Variants in ANXA9 observed in about 807,000 individuals in gnomAD.
ANXA9 encodes the protein annexin A9, also known as annexin 31.
Under a neutral mutation model 51.8 loss-of-function variants are expected in ANXA9, and 47 were observed. The observed-to-expected ratio is 0.91, with a 90% CI of 0.72 to 1.16. The LOEUF is 1.16. Among genes scored for constraint, ANXA9 ranks in the 50% most tolerant of loss-of-function variants. The probability of loss-of-function intolerance (pLI) is 0.00; values close to 1 mark genes in which losing one functional copy is unlikely to be tolerated. For synonymous variants in ANXA9, 154 were observed against 168.7 expected (o/e 0.91, Z 0.68); for missense variants, 361 against 424.7 (o/e 0.85, Z 1.32).
upstream of ANXA9, chr1:150,982,024 C>T (rs960473750): frequency 2.6e-5 from 4 of 152,290 alleles, no homozygotes; most frequent in Non-Finnish European, 5.9e-5. Context: ...TGTGGTCCCA[C>T]CTGGACCCAC....
At chr1:150,984,916 C>G (rs1048056433) in intron 7 of ANXA9, among the ~76,000 whole-genome samples, 1 of 151,890 alleles carries the variant, frequency 6.6e-6, no homozygotes, top group Non-Finnish European at 1.5e-5. Context: ...CACCCCAACA[C>G]TTTGGGAGGC....
chr1:150,993,391 G>A (rs868127656), intron 12 of ANXA9, among the ~76,000 whole-genome samples: 16 of 150,042 alleles, frequency 1.1e-4, no homozygotes, highest in East Asian at 2.0e-4. Context: ...TTACTGCAAC[G>A]TCCGCCTCCC....
upstream of ANXA9, among the ~76,000 whole-genome samples, chr1:150,981,793 T>C (rs899645681): frequency 6.6e-6 from 1 of 152,234 alleles, no homozygotes; most frequent in Non-Finnish European, 1.5e-5. Context: ...CAGCTGGCTC[T>C]AGTAAGGCAG....
chr1:150,983,905 T>C, intron 4 of ANXA9, 70 bp from the exon 5 acceptor site: 1 of 1,486,910 alleles, frequency 6.7e-7, no homozygotes, highest in South Asian at 1.2e-5. Context: ...GCGCCTTCCC[T>C]CCTCCAAGGA....
chr1:150,986,342 A>G lies in ANXA9; in HGVS notation c.479A>G (p.Gln160Arg), dbSNP rs756481745. Residue 160 changes from glutamine (Q) to arginine (R), a missense_variant, in exon 8 of 14, where the codon CAG (glutamine) becomes CGG (arginine). Gln to Arg is a conservative substitution (Grantham distance 43). Coordinates refer to ENST00000368947, the MANE Select transcript of ANXA9 (RefSeq NM_003568.3). ...ECLAVYKHNF[Q>R]VEAVDDITSE... is the part of the protein sequence containing the mutation. Reference sequence around the variant, plus strand: ...GCTCCTCACCCCACCCCAGATTTCCAGGTGGAGGCTGTGGATGACATCACA... The same window carrying G: ...GCTCCTCACCCCACCCCAGATTTCCGGGTGGAGGCTGTGGATGACATCACA... 3.1e-5 allele frequency: 50 copies of G among 1,614,028 alleles called. No individual in the cohort carries two copies. The South Asian group carries it at 5.3e-4, about 17-fold the overall frequency.
rs1277141673 is a variant in ANXA9 at position 150,986,320 on chromosome 1, C to T, written c.473-16C>T. On this transcript the variant is annotated splice_polypyrimidine_tract_variant and intron_variant, in intron 7 of 13. Transcript: ENST00000368947. ...AAAACTCAGGAGGATTCAGAGAGCT[C>T]CTCACCCCACCCCAGATTTCCAGGT... is the stretch of plus-strand genomic sequence containing the variant. 7 of 1,613,342 alleles carry T rather than the reference C, an allele frequency of 4.3e-6. No homozygotes were observed. In the South Asian group the frequency reaches 7.7e-5, roughly 18 times the overall value.
In ANXA9 at chr1:150,982,564, G is replaced by A. The variant is rs1228833265; in HGVS notation, c.-36G>A. 6.5e-6 allele frequency: 1 copy of A among 153,528 alleles called. No individual in the cohort carries two copies. Among genetic ancestry groups the A allele is most frequent in the Non-Finnish European group, 1.5e-5 (1 of 68,926 alleles). The allele number at this position is 153,528 out of a possible 1,614,324, so 9.5% of individuals were successfully genotyped here. ...TGCTGACCTAGAGATTCCGGCCTGT[G>A]CTCCTGTGCTGCTGAGCAGGTAGGC... On this transcript the variant is annotated 5_prime_UTR_variant, in exon 2 of 14. Transcript: ENST00000368947.
At chr1:150,994,508 A>G in intron 12 of ANXA9, 69 bp from the exon 13 acceptor site, 2 of 1,594,404 alleles carry the variant, frequency 1.3e-6, no homozygotes, top group Non-Finnish European at 1.7e-6. Flanking sequence ...ATAACCCTCC[A>G]AGCCATTCAA....
At chr1:150,992,580 C>A (rs975991647) in intron 12 of ANXA9, among the ~76,000 whole-genome samples, 3 of 151,718 alleles carry the variant, frequency 2.0e-5, no homozygotes, top group Non-Finnish European at 4.4e-5. Context: ...TATGCTGAAG[C>A]GAGCAGATCA....
At chr1:150,986,437 G>A in intron 8 of ANXA9, 22 bp downstream of exon 8, 1 of 1,612,322 alleles carries the variant, frequency 6.2e-7, no homozygotes, top group Non-Finnish European at 8.5e-7. Flanking sequence ...TGACCTGCAA[G>A]GAAGGGAGTC....
At position 150,994,653 on chromosome 1, in the gene ANXA9, C is replaced by T. The variant is rs1223091337; in HGVS notation, c.929C>T (p.Ala310Val). The T allele has an allele frequency of 1.2e-6, 2 of 1,613,984 alleles. No individual in the cohort carries two copies. The highest frequency in any genetic ancestry group is 1.7e-6 in the Non-Finnish European group (2 of 1,179,998). ...RCETDLLSIR[A>V]EFRKKFGKSL... The stretch of plus-strand genomic sequence containing the variant: ...GAGACTGACCTTCTGAGTATCAGAG[C>T]TGAGTTCAGGAAGAAATTTGGGAAG... The change falls in exon 13 of 14, where the codon GCT becomes GTT. Residue 310 changes from alanine to valine, a missense_variant. By Grantham distance (64) the Ala-to-Val change is moderately conservative. Transcript: ENST00000368947.
At position 150,986,742 on chromosome 1, in the gene ANXA9, T is replaced by G. The variant is rs1671569345; in HGVS notation, c.612+81T>G. ...CCACCATATCTTAGAGCCGGTGACCTACGTGCCCATTTTTCCCGCAAACCC... is the reference window on the plus strand; with the variant it reads ...CCACCATATCTTAGAGCCGGTGACCGACGTGCCCATTTTTCCCGCAAACCC... On this transcript the variant is annotated intron_variant, in intron 9 of 13. Transcript: ENST00000368947. The G allele has an allele frequency of 2.1e-6, 3 of 1,402,908 alleles. No homozygotes were observed. In the Admixed American group the frequency reaches 7.2e-5, roughly 34 times the overall value. 86.9% of individuals were successfully genotyped at this position (1,402,908 alleles called of 1,614,324 possible).
intron 7 of ANXA9, among the ~76,000 whole-genome samples, chr1:150,986,003 G>A (rs906975944): frequency 1.3e-5 from 2 of 151,668 alleles, no homozygotes; most frequent in Non-Finnish European, 2.9e-5. Flanking sequence ...TACCTCCAAT[G>A]AGGGTGCCAG....
At position 150,987,912 on chromosome 1, in the gene ANXA9, G is replaced by T; in HGVS notation, c.653G>T (p.Trp218Leu). 6.2e-7 allele frequency: 1 copy of T among 1,614,050 alleles called. No homozygotes were observed. The highest frequency in any genetic ancestry group is 1.3e-5 in the African/African-American group (1 of 75,006). ...RAEGPSREETWVPVFTQRNPE... is the reference protein window; with the variant it reads ...RAEGPSREETLVPVFTQRNPE... Reference sequence around the variant, plus strand: ...GAAGGACCTAGCAGAGAGGAAACATGGGTCCCAGTCTTCACCCAGCGAAAT... The same window carrying T: ...GAAGGACCTAGCAGAGAGGAAACATTGGTCCCAGTCTTCACCCAGCGAAAT... Residue 218 changes from tryptophan (W) to leucine (L), a missense_variant, in exon 10 of 14, where the codon TGG becomes TTG. Coordinates refer to ENST00000368947, the MANE Select transcript of ANXA9 (RefSeq NM_003568.3).
At chr1:150,990,945 C>T (rs1428234073) in intron 12 of ANXA9, among the ~76,000 whole-genome samples, 2 of 152,018 alleles carry the variant, frequency 1.3e-5, no homozygotes, top group Non-Finnish European at 2.9e-5. Context: ...GAGATCGAGA[C>T]CATCCTGGCT....
chr1:150,982,206 G>T (rs1363802493), upstream of ANXA9: 1 of 152,440 alleles, frequency 6.6e-6, no homozygotes, highest in East Asian at 1.9e-4. Context: ...TCTGGGAGGG[G>T]CCAGAGTCAG....
chr1:150,986,634 C>G lies in ANXA9; in HGVS notation c.585C>G (p.Asp195Glu). ...GGRDSYSGII[D>E]YNLAEQDVQA... is the part of the protein sequence containing the mutation. ...GTGACAGCTACTCTGGAATCATTGACTATAATCTGGCAGAACAAGATGTCC... is the reference window on the plus strand; with the variant it reads ...GTGACAGCTACTCTGGAATCATTGAGTATAATCTGGCAGAACAAGATGTCC... The change falls in exon 9 of 14, where the codon GAC (aspartate) becomes GAG (glutamate). Residue 195 changes from aspartate (D) to glutamate (E), a missense_variant. Transcript: ENST00000368947. 6.2e-7 allele frequency: 1 copy of G among 1,600,988 alleles called. No homozygotes were observed. Among genetic ancestry groups the G allele is most frequent in the Non-Finnish European group, 8.5e-7 (1 of 1,176,480 alleles).
intron 8 of ANXA9, 54 bp from the exon 9 acceptor site, chr1:150,986,548 G>A: frequency 6.3e-7 from 1 of 1,598,174 alleles, no homozygotes; most frequent in Non-Finnish European, 8.6e-7. Flanking sequence ...TTGTTGGTCT[G>A]AAGATAAAAA....
At chr1:150,994,553 C>G (rs201348929) in intron 12 of ANXA9, 24 bp from the exon 13 acceptor site, 2 of 1,613,056 alleles carry the variant, frequency 1.2e-6, no homozygotes, top group Admixed American at 1.7e-5. Context: ...CTAACTACCC[C>G]CCATCTCTTT....
Sources: allele counts gnomAD v4.1 joint callset (sites outside exome capture counted in the v4.1 genomes callset), GRCh38; gene constraint gnomAD v4.1.1; transcripts MANE v1.5; gene names NCBI Gene and HGNC (gene_info 2026-07-23, HGNC 2026-07-21).